Variants in EHBP1 observed in about 807,000 individuals in gnomAD.
EHBP1 encodes the protein EH domain binding protein 1.
Under a neutral mutation model 144.0 loss-of-function variants are expected in EHBP1, and 55 were observed. That is an observed-to-expected ratio of 0.38 (90% CI 0.31 to 0.48). The LOEUF (loss-of-function observed/expected upper bound fraction) is 0.48, where lower values mean the gene tolerates loss of function less well. Among genes scored for constraint, EHBP1 ranks in the 20% least tolerant of loss-of-function variants. The pLI is 0.98. For synonymous variants in EHBP1, 469 were observed against 472.7 expected (o/e 0.99, Z 0.10); for missense variants, 1,200 against 1,364.2 (o/e 0.88, Z 1.90).
chr2:62,799,751 C>T lies in EHBP1; in HGVS notation c.313-26336C>T, dbSNP rs1215929642. On this transcript the variant is annotated intron_variant, in intron 5 of 22. Transcript: ENST00000431489. ...GGAAAACAACTCTTTAAAAAACAAC[C>T]TAATCTACTCAGTACAAAAGCAAGT... Among the ~76,000 whole-genome samples the T allele has an allele frequency of 7.2e-5, 11 of 152,114 alleles. No homozygotes were observed. In the East Asian group the frequency reaches 2.1e-3, roughly 29 times the overall value.
chr2:62,956,869 A>G (rs1309418557), intron 14 of EHBP1, among the ~76,000 whole-genome samples: 5 of 152,138 alleles, frequency 3.3e-5, no homozygotes, highest in African/African-American at 4.8e-5. Flanking sequence ...TGTCAGTTGG[A>G]ACACCTACAT....
chr2:62,885,032 C>A (rs150831766), intron 10 of EHBP1, among the ~76,000 whole-genome samples: 2 of 152,086 alleles, frequency 1.3e-5, no homozygotes, highest in Non-Finnish European at 2.9e-5. Context: ...GGATAAAAAA[C>A]GGCTCAAATT....
chr2:62,680,566 C>G (rs879271599), intron 1 of EHBP1, among the ~76,000 whole-genome samples: 3 of 152,060 alleles, frequency 2.0e-5, no homozygotes, highest in Admixed American at 2.0e-4. Context: ...GCAGTGTTTG[C>G]TCATTTCAAA....
At chr2:62,695,741 C>T (rs1304383381) in intron 1 of EHBP1, among the ~76,000 whole-genome samples, 1 of 152,212 alleles carries the variant, frequency 6.6e-6, no homozygotes, top group Non-Finnish European at 1.5e-5. Context: ...GAAACAGAGT[C>T]TCACTCTGTC....
At position 62,826,143 on chromosome 2, in the gene EHBP1, G is replaced by A. The variant is rs764276574; in HGVS notation, c.369G>A (p.Gln123=). The change falls in exon 6 of 23, where the codon CAG becomes CAA. Residue 123 remains glutamine (Q), a synonymous_variant. Coordinates refer to ENST00000431489, the MANE Select transcript of EHBP1 (RefSeq NM_001142616.3). Reference sequence around the variant, plus strand: ...CTACTAGCAGCATCAATATGAAACAGTATGCAAGCCCTATGCCAACTCAGA... The same window carrying A: ...CTACTAGCAGCATCAATATGAAACAATATGCAAGCCCTATGCCAACTCAGA... ...ALATSSINMK[Q]YASPMPTQTD... 1 of 1,597,302 alleles carries A rather than the reference G, an allele frequency of 6.3e-7. No individual in the cohort carries two copies. Among genetic ancestry groups the A allele is most frequent in the South Asian group, 1.1e-5 (1 of 88,194 alleles).
intron 14 of EHBP1, among the ~76,000 whole-genome samples, chr2:62,959,661 T>C (rs1406724268): frequency 6.6e-6 from 1 of 152,202 alleles, no homozygotes; most frequent in African/African-American, 2.4e-5. Context: ...CCTGTACCTG[T>C]TGTCCATTTG....
At chr2:62,959,675 GT>G (rs2057899703) in intron 14 of EHBP1, among the ~76,000 whole-genome samples, 1 of 152,114 alleles carries the variant, frequency 6.6e-6, no homozygotes, top group Admixed American at 6.5e-5. Context: ...CCATTTGTAT[GT>G]CTTCTTTGAA....
intron 15 of EHBP1, among the ~76,000 whole-genome samples, chr2:62,984,894 G>A (rs1021949860): frequency 6.6e-6 from 1 of 152,132 alleles, no homozygotes. Context: ...GAAAGTAGGT[G>A]CCATTTCCTG....
chr2:62,725,708 A>G (rs2036710950), intron 2 of EHBP1, among the ~76,000 whole-genome samples: 1 of 152,166 alleles, frequency 6.6e-6, no homozygotes, highest in African/African-American at 2.4e-5. Flanking sequence ...TGGAGGCAGC[A>G]GTGGCTGGGT....
intron 10 of EHBP1, among the ~76,000 whole-genome samples, chr2:62,882,859 G>A (rs1369039794): frequency 2.7e-5 from 4 of 148,230 alleles, no homozygotes; most frequent in African/African-American, 1.0e-4. Context: ...TCCAGCCTGG[G>A]CAACAAGAGT....
At chr2:62,717,618 C>T (rs2035810047) in intron 2 of EHBP1, among the ~76,000 whole-genome samples, 1 of 151,888 alleles carries the variant, frequency 6.6e-6, no homozygotes, top group South Asian at 2.1e-4. Flanking sequence ...AAGGTACCTG[C>T]TGATTTTCTT....
chr2:62,797,452 G>A (rs571198343), intron 5 of EHBP1, among the ~76,000 whole-genome samples: 1 of 152,314 alleles, frequency 6.6e-6, no homozygotes, highest in South Asian at 2.1e-4. Context: ...TGTTCTCCAA[G>A]TAAAAGTCTA....
chr2:63,011,483 GT>G (rs1230782480), intron 19 of EHBP1, among the ~76,000 whole-genome samples: 1 of 151,828 alleles, frequency 6.6e-6, no homozygotes, highest in East Asian at 1.9e-4. Flanking sequence ...ATAAATCCAA[GT>G]GTAATGTGCT....
At chr2:62,841,509 A>G (rs998760377) in intron 7 of EHBP1, among the ~76,000 whole-genome samples, 1 of 152,126 alleles carries the variant, frequency 6.6e-6, no homozygotes, top group Non-Finnish European at 1.5e-5. Flanking sequence ...TAAAAAAAAT[A>G]AAGCAAAATT....
intron 1 of EHBP1, among the ~76,000 whole-genome samples, chr2:62,677,857 A>C (rs546723888): frequency 6.6e-6 from 1 of 152,314 alleles, no homozygotes; most frequent in Admixed American, 6.5e-5. Flanking sequence ...ACTGTGATTA[A>C]CTACCACATT....
At position 63,045,377 on chromosome 2, in the gene EHBP1, G is replaced by C; in HGVS notation, c.3393-33G>C. 3 of 1,600,444 alleles carry C rather than the reference G, an allele frequency of 1.9e-6. No individual in the cohort carries two copies. The highest frequency in any genetic ancestry group is 1.7e-4 in the Middle Eastern group (1 of 6,032). Reference sequence around the variant, plus strand: ...GCCCTCCACGAAGAAAAATAATTTTGTTTCCTGTTTGTCCTGTTTGTCTGA... The same window carrying C: ...GCCCTCCACGAAGAAAAATAATTTTCTTTCCTGTTTGTCCTGTTTGTCTGA... On this transcript the variant is annotated intron_variant, in intron 22 of 22. Transcript: ENST00000431489. The surrounding 1 kb of genome is among the most constrained non-coding windows in gnomAD (Gnocchi z 5.7).
At chr2:63,009,813 A>G (rs1293266936) in intron 19 of EHBP1, among the ~76,000 whole-genome samples, 6 of 151,602 alleles carry the variant, frequency 4.0e-5, no homozygotes. Context: ...GATTCTATAC[A>G]TACAATGTAT....
chr2:62,762,576 C>A (rs533482846), intron 3 of EHBP1, among the ~76,000 whole-genome samples: 1 of 152,288 alleles, frequency 6.6e-6, no homozygotes, highest in African/African-American at 2.4e-5. Flanking sequence ...CAATTCCTTT[C>A]TTCTATAAGG....
intron 10 of EHBP1, among the ~76,000 whole-genome samples, chr2:62,889,047 C>CTTT (rs71410971): frequency 0.019 from 738 of 39,730 alleles, 117 homozygotes; most frequent in Non-Finnish European, 0.022. Flanking sequence ...GTAGGTACCT[C>CTTT]TTTTTTTTTT....
Sources: allele counts gnomAD v4.1 joint callset (sites outside exome capture counted in the v4.1 genomes callset), GRCh38; gene constraint gnomAD v4.1.1; non-coding constraint Gnocchi (gnomAD v3.1); transcripts MANE v1.5; gene names NCBI Gene and HGNC (gene_info 2026-07-23, HGNC 2026-07-21).